The following LAMB1 variants were observed in gnomAD, a reference collection of about 807,000 sequenced individuals.
LAMB1 encodes laminin subunit beta-1.
LAMB1 carries 121 observed loss-of-function variants against 222.3 expected under a neutral mutation model. The observed-to-expected ratio is 0.54, with a 90% CI of 0.47 to 0.63. The LOEUF is 0.63. Among genes scored for constraint, LAMB1 ranks in the 30% least tolerant of loss-of-function variants. The pLI, the probability that LAMB1 is intolerant of heterozygous loss-of-function variation, is 0.00. For missense variants in LAMB1, 2,172 were observed against 2,240.8 expected (o/e 0.97, Z 0.62); for synonymous variants, 794 against 807.2 (o/e 0.98, Z 0.28).
chr7:107,929,378 A>G (rs777370010), intron 30 of LAMB1, 34 bp downstream of exon 30: 3 of 1,584,098 alleles, frequency 1.9e-6, no homozygotes, highest in Non-Finnish European at 1.7e-6. Context: ...TAGATACACA[A>G]AATAAGCCCC....
chr7:107,964,648 G>A lies in LAMB1; in HGVS notation c.1602C>T (p.His534=). 2.5e-6 allele frequency: 4 copies of A among 1,614,150 alleles called. No individual in the cohort carries two copies. Among genetic ancestry groups the A allele is most frequent in the Non-Finnish European group, 3.4e-6 (4 of 1,180,020 alleles). ...AESGQCSCRP[H]MIGRQCNEVE... ...CTTCGTTGCACTGACGTCCAATCAT[G>A]TGAGGCCGGCATGAGCACTGGCCTG... is the stretch of plus-strand genomic sequence containing the variant. The change falls in exon 14 of 34, where the codon CAC becomes CAT. Residue 534 remains histidine (H), a synonymous_variant. Transcript: ENST00000222399.
intron 24 of LAMB1, among the ~76,000 whole-genome samples, chr7:107,946,694 G>C (rs1409473539): frequency 6.6e-6 from 1 of 152,242 alleles, no homozygotes; most frequent in East Asian, 1.9e-4. Context: ...AGTATTTATA[G>C]TTCTCTAAAG....
At chr7:107,937,456 A>C (rs184627135) in intron 25 of LAMB1, among the ~76,000 whole-genome samples, 179 bp from the exon 26 acceptor site, 4 of 152,330 alleles carry the variant, frequency 2.6e-5, no homozygotes, top group South Asian at 2.1e-4. Context: ...TAAATCTAAC[A>C]ATTTTTCTTT....
rs911560946 is a variant in LAMB1, at chr7:107,929,301, C to T, written c.4746-96G>A. ...TAAAGAATAGCCTTCCTGAAATGAC[C>T]CAGAGAGACTCGCATAGGTCCTTCT... is the stretch of plus-strand genomic sequence containing the variant. On this transcript the variant is annotated intron_variant, in intron 30 of 33. Transcript: ENST00000222399. 1.6e-5 allele frequency: 25 copies of T among 1,523,324 alleles called. No individual in the cohort carries two copies. In the African/African-American group the frequency reaches 3.0e-4, roughly 18 times the overall value. 94.4% of individuals were successfully genotyped at this position (1,523,324 alleles called of 1,614,324 possible). A position where few individuals can be genotyped will look rare whatever the true frequency, so the allele number is the denominator to read the frequency against.
At chr7:108,002,172 G>A (rs920762128) in intron 2 of LAMB1, 2 of 1,417,534 alleles carry the variant, frequency 1.4e-6, no homozygotes, top group Non-Finnish European at 9.4e-7. Flanking sequence ...CGCATCCTCG[G>A]TGTGAGTGTG....
chr7:107,995,115 C>T (rs1391906200), intron 4 of LAMB1, among the ~76,000 whole-genome samples, 155 bp from the exon 5 acceptor site: 1 of 152,116 alleles, frequency 6.6e-6, no homozygotes, highest in African/African-American at 2.4e-5. Context: ...AATAATAATC[C>T]CATGGGCTTA....
At chr7:107,935,351 T>C in intron 27 of LAMB1, 64 bp downstream of exon 27, 1 of 394,650 alleles carries the variant, frequency 2.5e-6, no homozygotes, top group Non-Finnish European at 3.3e-6. Context: ...TTCTTTGTTT[T>C]TTTTTTTTTT....
chr7:107,925,981 G>C (rs2032553733), intron 32 of LAMB1, among the ~76,000 whole-genome samples: 1 of 150,278 alleles, frequency 6.7e-6, no homozygotes, highest in Non-Finnish European at 1.5e-5. Context: ...ATTTGGATTT[G>C]AGGACATAGG....
intron 13 of LAMB1, 103 bp from the exon 14 acceptor site, chr7:107,964,790 A>C: frequency 8.1e-7 from 1 of 1,235,604 alleles, no homozygotes; most frequent in Non-Finnish European, 1.1e-6. Context: ...AGGACCAAAT[A>C]CATAGCATGT....
In LAMB1 at chr7:107,924,330, T is replaced by G; in HGVS notation, c.5124A>C (p.Lys1708Asn). 6.2e-7 allele frequency: 1 copy of G among 1,612,994 alleles called. No individual in the cohort carries two copies. The highest frequency in any genetic ancestry group is 8.5e-7 in the Non-Finnish European group (1 of 1,179,516). ...TTCTGGCATCAGCTGACTCTTCAGTTTTTTTGGCAATTAAATTTTCTACTT... is the reference window on the plus strand; with the variant it reads ...TTCTGGCATCAGCTGACTCTTCAGTGTTTTTGGCAATTAAATTTTCTACTT... ...YKKVENLIAK[K>N]TEESADARRK... The change falls in exon 33 of 34, where the codon AAA (lysine) becomes AAC (asparagine). Residue 1708 changes from lysine (K) to asparagine (N), a missense_variant. Transcript: ENST00000222399.
At chr7:107,941,420 C>CTAATATA (rs1315610402) in intron 24 of LAMB1, among the ~76,000 whole-genome samples, 1 of 152,146 alleles carries the variant, frequency 6.6e-6, no homozygotes, top group Non-Finnish European at 1.5e-5. Flanking sequence ...ATCTTATTTC[C>CTAATATA]CTAACTGGAT....
Position 107,961,282 on chromosome 7 carries a change from T to C in LAMB1, c.2033A>G (p.Tyr678Cys). 1.2e-6 allele frequency: 2 copies of C among 1,614,142 alleles called. No homozygotes were observed. The highest frequency in any genetic ancestry group is 1.7e-6 in the Non-Finnish European group (2 of 1,180,022). ...CTGAGGCAGCTCCAACCTCACCGTG[T>C]AGTTTGTTCCCTTCTCAAAGCACAC... ...RPVCFEKGTN[Y>C]TVRLELPQYT... Residue 678 changes from tyrosine to cysteine, a missense_variant, in exon 17 of 34, where the codon TAC (tyrosine) becomes TGC (cysteine). Coordinates refer to ENST00000222399, the MANE Select transcript of LAMB1 (RefSeq NM_002291.3).
intron 32 of LAMB1, 143 bp from the exon 33 acceptor site, chr7:107,924,532 T>TCAAA (rs1430778938): frequency 3.3e-5 from 20 of 600,532 alleles, no homozygotes; most frequent in Non-Finnish European, 4.7e-5. Flanking sequence ...AATTTTATCT[T>TCAAA]CAAACAGTGG....
chr7:107,946,986 C>T (rs1217702827), intron 24 of LAMB1, among the ~76,000 whole-genome samples: 1 of 152,210 alleles, frequency 6.6e-6, no homozygotes, highest in Non-Finnish European at 1.5e-5. Flanking sequence ...AAACTTTACC[C>T]TTCCTTTTTG....
intron 15 of LAMB1, among the ~76,000 whole-genome samples, chr7:107,962,486 G>C (rs566463567): frequency 6.6e-6 from 1 of 152,266 alleles, no homozygotes; most frequent in African/African-American, 2.4e-5. Context: ...GGCTGAGGCG[G>C]GCGAATCACC....
At chr7:107,977,949 T>G in intron 9 of LAMB1, 98 bp downstream of exon 9, 1 of 1,387,062 alleles carries the variant, frequency 7.2e-7, no homozygotes, top group Non-Finnish European at 1.0e-6. Flanking sequence ...GTAACTTTTC[T>G]ACCCTCTGCA....
intron 31 of LAMB1, among the ~76,000 whole-genome samples, chr7:107,928,462 T>A (rs542311456): frequency 6.6e-6 from 1 of 152,198 alleles, no homozygotes; most frequent in African/African-American, 2.4e-5. Context: ...TTCATACTAC[T>A]GAACAGAGTA....
intron 32 of LAMB1, among the ~76,000 whole-genome samples, chr7:107,925,227 ATACTGAAATTAGGTCAGT>A (rs1385621567): frequency 1.3e-5 from 2 of 152,200 alleles, no homozygotes; most frequent in East Asian, 3.9e-4. Flanking sequence ...AGGGAGTTAA[ATACTGAAATTAGGTCAGT>A]AAATGCAGGT....
In LAMB1 at chr7:107,923,846, T is replaced by TAAAAACATTA. The variant is rs1422378560; in HGVS notation, c.*95_*104dup. ...TATTTAACTCCATACAAAATGTGAT[T>TAAAAACATTA]AAAAACATTAAATAGGTGATGTTTT... On this transcript the variant is annotated 3_prime_UTR_variant, in exon 34 of 34. Coordinates refer to ENST00000222399, the MANE Select transcript of LAMB1 (RefSeq NM_002291.3). 11 of 1,070,044 alleles carry TAAAAACATTA rather than the reference T, an allele frequency of 1.0e-5. No individual in the cohort carries two copies. Among genetic ancestry groups the TAAAAACATTA allele is most frequent in the Admixed American group, 7.6e-5 (3 of 39,266 alleles). The allele number at this position is 1,070,044 out of a possible 1,614,324, so 66.3% of individuals were successfully genotyped here.
Sources: allele counts gnomAD v4.1 joint callset (sites outside exome capture counted in the v4.1 genomes callset), GRCh38; gene constraint gnomAD v4.1.1; transcripts MANE v1.5; gene names NCBI Gene and HGNC (gene_info 2026-07-23, HGNC 2026-07-21).